KSR2: variants seen among roughly 807,000 people sequenced by gnomAD.
KSR2 encodes the protein kinase suppressor of ras 2.
In KSR2, 25 loss-of-function variants were observed where a neutral mutation model predicts 107.8. The observed-to-expected ratio is 0.23, with a 90% confidence interval of 0.17 to 0.32. KSR2 has a LOEUF of 0.32. Among genes scored for constraint, KSR2 ranks in the 10% least tolerant of loss-of-function variants. The pLI is 1.00. For synonymous variants in KSR2, 480 were observed against 507.0 expected (o/e 0.95, Z 0.71); for missense variants, 887 against 1,268.9 (o/e 0.70, Z 4.57).
intron 5 of KSR2, among the ~76,000 whole-genome samples, chr12:117,612,177 G>A (rs902615915): frequency 2.6e-5 from 4 of 152,130 alleles, no homozygotes; most frequent in Admixed American, 1.3e-4. Flanking sequence ...AGGCTGAGGT[G>A]GGTGGATCAT....
chr12:117,782,594 T>C (rs942427637), intron 3 of KSR2, among the ~76,000 whole-genome samples: 2 of 152,202 alleles, frequency 1.3e-5, no homozygotes, highest in East Asian at 1.9e-4. Flanking sequence ...GTATCTACTA[T>C]GTGCCACGAA....
intron 3 of KSR2, among the ~76,000 whole-genome samples, chr12:117,783,691 C>T (rs1889964169): frequency 6.6e-6 from 1 of 152,196 alleles, no homozygotes; most frequent in African/African-American, 2.4e-5. Context: ...TTTCCTTCAT[C>T]TGTCAGTTTT....
At chr12:117,715,149 A>G (rs1270640186) in intron 4 of KSR2, among the ~76,000 whole-genome samples, 1 of 152,148 alleles carries the variant, frequency 6.6e-6, no homozygotes, top group Non-Finnish European at 1.5e-5. Flanking sequence ...AAGAGACACA[A>G]TTTTCTTATT....
In KSR2 at chr12:117,774,710, G is replaced by A. The variant is rs1026531044; in HGVS notation, c.473-13186C>T. On this transcript the variant is annotated intron_variant, in intron 3 of 19. Coordinates refer to ENST00000339824, the MANE Select transcript of KSR2 (RefSeq NM_173598.6). ...TTAACCATTTCAAAGTACAGAATTC[G>A]GCACCACTTAGTACATTCTCAATGT... 2.6e-5 allele frequency among the ~76,000 whole-genome samples: 4 copies of A among 152,146 alleles called. No homozygotes were observed. In the Middle Eastern group the frequency reaches 0.01, roughly 388 times the overall value.
intron 14 of KSR2, among the ~76,000 whole-genome samples, chr12:117,524,573 G>A (rs571735688): frequency 3.7e-4 from 56 of 152,218 alleles, no homozygotes; most frequent in Non-Finnish European, 4.9e-4. Flanking sequence ...AGGCTGAAGC[G>A]AAAGGATCTC....
At chr12:117,820,550 G>T (rs1236798450) in intron 3 of KSR2, among the ~76,000 whole-genome samples, 2 of 152,134 alleles carry the variant, frequency 1.3e-5, no homozygotes, top group Non-Finnish European at 2.9e-5. Context: ...TGAAAACCAG[G>T]CTCTGGCTCC....
chr12:117,736,286 A>T (rs1418718894), intron 4 of KSR2, among the ~76,000 whole-genome samples: 1 of 152,126 alleles, frequency 6.6e-6, no homozygotes, highest in African/African-American at 2.4e-5. Context: ...ATGTAAAGTG[A>T]TCAAGTCTGT....
chr12:117,654,141 C>T (rs552155809), intron 5 of KSR2, among the ~76,000 whole-genome samples: 3 of 152,308 alleles, frequency 2.0e-5, no homozygotes, highest in African/African-American at 7.2e-5. Context: ...ATCAATGTGA[C>T]CTGAACTGCC....
chr12:117,945,979 T>C (rs944214689), intron 1 of KSR2, among the ~76,000 whole-genome samples: 1 of 152,108 alleles, frequency 6.6e-6, no homozygotes, highest in African/African-American at 2.4e-5. Flanking sequence ...AAAGAAAACA[T>C]GCATCAAAGA....
chr12:117,624,814 T>C (rs1462336891), intron 5 of KSR2, among the ~76,000 whole-genome samples: 2 of 152,240 alleles, frequency 1.3e-5, no homozygotes, highest in South Asian at 2.1e-4. Flanking sequence ...ATTTTCATGA[T>C]ATTGATTCTT....
intron 5 of KSR2, among the ~76,000 whole-genome samples, chr12:117,608,763 A>T (rs1261735149): frequency 6.6e-6 from 1 of 152,120 alleles, no homozygotes; most frequent in Admixed American, 6.5e-5. Context: ...TGGAGAAGGG[A>T]CCAATGAAAG....
At chr12:117,627,567 T>C (rs547078650) in intron 5 of KSR2, among the ~76,000 whole-genome samples, 1 of 152,350 alleles carries the variant, frequency 6.6e-6, no homozygotes, top group South Asian at 2.1e-4. Context: ...TGCTGAGAGA[T>C]CCACTGTTAG....
chr12:117,743,771 C>G (rs1309938605), intron 4 of KSR2, among the ~76,000 whole-genome samples: 4 of 152,186 alleles, frequency 2.6e-5, no homozygotes, highest in Non-Finnish European at 5.9e-5. Context: ...CAAATGCACT[C>G]TAAGTGGCAA....
intron 1 of KSR2, among the ~76,000 whole-genome samples, chr12:117,942,916 G>A (rs558849884): frequency 1.3e-5 from 2 of 152,288 alleles, no homozygotes; most frequent in South Asian, 4.1e-4. Flanking sequence ...ACTAAAGGGT[G>A]TCGTTCAACT....
intron 4 of KSR2, among the ~76,000 whole-genome samples, chr12:117,707,668 C>T (rs1240614361): frequency 6.6e-6 from 1 of 152,138 alleles, no homozygotes; most frequent in Non-Finnish European, 1.5e-5. Flanking sequence ...GTGAGCCAGG[C>T]GCACACTCCG....
intron 5 of KSR2, among the ~76,000 whole-genome samples, chr12:117,652,717 T>G (rs974969783): frequency 1.3e-5 from 2 of 152,202 alleles, no homozygotes; most frequent in African/African-American, 4.8e-5. Flanking sequence ...TTTCAGGGAC[T>G]ACTGGACACT....
chr12:117,858,170 A>T (rs1257861057), intron 2 of KSR2, among the ~76,000 whole-genome samples: 1 of 152,190 alleles, frequency 6.6e-6, no homozygotes, highest in Admixed American at 6.5e-5. Context: ...AACAACAACA[A>T]CATGTCTGCA....
At chr12:117,571,505 C>A (rs1199407446) in intron 7 of KSR2, among the ~76,000 whole-genome samples, 1 of 152,090 alleles carries the variant, frequency 6.6e-6, no homozygotes, top group Non-Finnish European at 1.5e-5. Flanking sequence ...TCTCAGGTAC[C>A]TGGGTGAGGC....
At position 117,794,910 on chromosome 12, in the gene KSR2, G is replaced by A. The variant is rs114992770; in HGVS notation, c.473-33386C>T. ...GATTAGAGGGCTCTTGTCCAGAGGCGGCCCAGCAAGGGACAGAAAGAGACA... is the reference window on the plus strand; with the variant it reads ...GATTAGAGGGCTCTTGTCCAGAGGCAGCCCAGCAAGGGACAGAAAGAGACA... On this transcript the variant is annotated intron_variant, in intron 3 of 19. Coordinates refer to ENST00000339824, the MANE Select transcript of KSR2 (RefSeq NM_173598.6). Among the ~76,000 whole-genome samples the A allele has an allele frequency of 3.2e-3, 483 of 152,252 alleles. 9 individuals carry two copies. The highest frequency in any genetic ancestry group is 0.011 in the African/African-American group (461 of 41,552).
Sources: gnomAD v4.1 joint callset for allele counts (sites outside exome capture counted in the v4.1 genomes callset) on GRCh38, gnomAD v4.1.1 for gene constraint, MANE v1.5 for transcripts, NCBI Gene and HGNC (gene_info 2026-07-23, HGNC 2026-07-21) for gene names.